Variants in LRRC4C observed in about 807,000 individuals in gnomAD.
The protein encoded by LRRC4C is leucine-rich repeat-containing protein 4C.
In LRRC4C, 5 loss-of-function variants were observed where a neutral mutation model predicts 33.6. The ratio of observed to expected loss-of-function variants is 0.15; its 90% confidence interval spans 0.08 to 0.31. The LOEUF is 0.31. Among genes scored for constraint, LRRC4C ranks in the 10% least tolerant of loss-of-function variants. The probability of loss-of-function intolerance (pLI) is 1.00; values close to 1 mark genes in which losing one functional copy is unlikely to be tolerated. For synonymous variants in LRRC4C, 329 were observed against 302.0 expected, an observed-to-expected ratio of 1.09 and a Z score of -0.93; for missense variants, 560 against 796.7, an observed-to-expected ratio of 0.70 and a Z score of 3.58.
At chr11:41,078,497 C>A (rs576834116) in intron 1 of LRRC4C, among the ~76,000 whole-genome samples, 1 of 152,272 alleles carries the variant, frequency 6.6e-6, no homozygotes, top group South Asian at 2.1e-4. Context: ...CCTCAGGAAA[C>A]TTACAATCAT....
intron 4 of LRRC4C, among the ~76,000 whole-genome samples, chr11:40,280,442 T>C (rs1943397237): frequency 6.6e-6 from 1 of 152,222 alleles, no homozygotes; most frequent in South Asian, 2.1e-4. Flanking sequence ...TTAACATCCC[T>C]GTAATATATC....
chr11:40,145,261 A>G (rs1857644043), intron 5 of LRRC4C, among the ~76,000 whole-genome samples: 1 of 152,176 alleles, frequency 6.6e-6, no homozygotes, highest in South Asian at 2.1e-4. Context: ...ATCTCATCAA[A>G]TTGTCACCTC....
intron 3 of LRRC4C, among the ~76,000 whole-genome samples, chr11:40,574,435 C>T (rs1001319753): frequency 6.6e-6 from 1 of 152,102 alleles, no homozygotes; most frequent in Non-Finnish European, 1.5e-5. Context: ...TTTCTAAATA[C>T]ATCTATAGGC....
chr11:40,908,904 G>T (rs1315094693), intron 2 of LRRC4C, among the ~76,000 whole-genome samples: 1 of 152,108 alleles, frequency 6.6e-6, no homozygotes, highest in African/African-American at 2.4e-5. Flanking sequence ...GCAAAGCACT[G>T]GGCTGGGTAT....
At chr11:40,143,698 A>G (rs746235594) in intron 5 of LRRC4C, among the ~76,000 whole-genome samples, 27 of 152,212 alleles carry the variant, frequency 1.8e-4, no homozygotes, top group Non-Finnish European at 3.5e-4. Context: ...TGCTTAAAAC[A>G]TAACCATCCT....
chr11:40,525,248 C>T (rs1173342479), intron 3 of LRRC4C, among the ~76,000 whole-genome samples: 1 of 152,056 alleles, frequency 6.6e-6, no homozygotes, highest in African/African-American at 2.4e-5. Flanking sequence ...AGATCGAGAC[C>T]ATCCTGGCTA....
At chr11:40,961,007 C>T (rs183199988) in intron 1 of LRRC4C, among the ~76,000 whole-genome samples, 56 of 151,836 alleles carry the variant, frequency 3.7e-4, no homozygotes, top group South Asian at 3.5e-3. Flanking sequence ...GTCTTGGTCA[C>T]ACTATAACTC....
At chr11:40,127,148 G>A (rs1856305498) in intron 6 of LRRC4C, among the ~76,000 whole-genome samples, 2 of 149,836 alleles carry the variant, frequency 1.3e-5, no homozygotes, top group Admixed American at 1.3e-4. Flanking sequence ...ATGGTGGTGG[G>A]CACCTGTAAT....
intron 5 of LRRC4C, among the ~76,000 whole-genome samples, chr11:40,234,134 A>T (rs1287761700): frequency 6.6e-6 from 1 of 152,208 alleles, no homozygotes; most frequent in East Asian, 1.9e-4. Flanking sequence ...ACACCTGCTA[A>T]GCAGCAGTAT....
At chr11:40,567,248 C>T (rs1957801971) in intron 3 of LRRC4C, among the ~76,000 whole-genome samples, 1 of 151,904 alleles carries the variant, frequency 6.6e-6, no homozygotes, top group Admixed American at 6.6e-5. Flanking sequence ...TCCTTGCAGC[C>T]TTTTCAAAAC....
chr11:41,390,983 TAAA>T (rs35303507), intron 1 of LRRC4C, among the ~76,000 whole-genome samples: 2 of 139,816 alleles, frequency 1.4e-5, no homozygotes, highest in African/African-American at 2.7e-5. Context: ...TTGCTTTAAT[TAAA>T]AAAAAAAAAA....
intron 5 of LRRC4C, among the ~76,000 whole-genome samples, chr11:40,217,490 T>G (rs1228174935): frequency 1.3e-5 from 2 of 152,098 alleles, no homozygotes; most frequent in Non-Finnish European, 2.9e-5. Context: ...ACGTACTACT[T>G]TTGTGTATAT....
chr11:41,173,072 G>T (rs559917174), intron 1 of LRRC4C, among the ~76,000 whole-genome samples: 1 of 152,232 alleles, frequency 6.6e-6, no homozygotes, highest in African/African-American at 2.4e-5. Flanking sequence ...AATACAGGTG[G>T]TTCCTACAAC....
chr11:41,251,602 C>A (rs1948640233), intron 1 of LRRC4C, among the ~76,000 whole-genome samples: 1 of 152,166 alleles, frequency 6.6e-6, no homozygotes. Context: ...TGTGCATGAT[C>A]ACATTTTGTA....
At chr11:41,256,496 G>A (rs565429833) in intron 1 of LRRC4C, among the ~76,000 whole-genome samples, 1 of 152,086 alleles carries the variant, frequency 6.6e-6, no homozygotes, top group African/African-American at 2.4e-5. Context: ...CATCTGTGCA[G>A]TTGTACTGAG....
intron 3 of LRRC4C, among the ~76,000 whole-genome samples, chr11:40,403,358 G>A (rs1408028034): frequency 6.6e-6 from 1 of 152,064 alleles, no homozygotes; most frequent in Non-Finnish European, 1.5e-5. Flanking sequence ...TTACTAAATA[G>A]TCCACAAATT....
chr11:40,635,309 G>T (rs1182185031), intron 3 of LRRC4C, among the ~76,000 whole-genome samples: 1 of 152,132 alleles, frequency 6.6e-6, no homozygotes, highest in African/African-American at 2.4e-5. Context: ...TCTACAGGAA[G>T]ATTTTTCTAA....
chr11:41,356,073 A>T (rs1565608195), intron 1 of LRRC4C, among the ~76,000 whole-genome samples: 1 of 152,146 alleles, frequency 6.6e-6, no homozygotes, highest in African/African-American at 2.4e-5. Context: ...CTGAAAATAT[A>T]AACAGAAAAT....
rs567961006 is a variant in LRRC4C at position 40,487,143 on chromosome 11, C to A, written c.-270+160999G>T. ...TAGCTACTATCCGTGAACTGACATG[C>A]GAAGTTGGAAGATCAAAGATTCTTG... On this transcript the variant is annotated intron_variant, in intron 3 of 6. Coordinates refer to ENST00000528697, the MANE Select transcript of LRRC4C (RefSeq NM_001258419.2). Among the ~76,000 whole-genome samples the A allele has an allele frequency of 2.3e-4, 35 of 152,040 alleles. No homozygotes were observed. The South Asian group carries it at 5.6e-3, about 24-fold the overall frequency.
Sources: allele counts gnomAD v4.1 joint callset (sites outside exome capture counted in the v4.1 genomes callset), GRCh38; gene constraint gnomAD v4.1.1; transcripts MANE v1.5; gene names NCBI Gene and HGNC (gene_info 2026-07-23, HGNC 2026-07-21).